Variants in TACC2 observed in about 807,000 individuals in gnomAD.
TACC2 encodes transforming acidic coiled-coil containing protein 2.
A neutral mutation model predicts 227.3 loss-of-function variants in TACC2; 137 were observed. The observed-to-expected ratio is 0.60, with a 90% CI of 0.52 to 0.69. The LOEUF (loss-of-function observed/expected upper bound fraction) is 0.69. Among genes scored for constraint, TACC2 ranks in the 30% least tolerant of loss-of-function variants. TACC2 has a pLI of 0.00. For missense variants in TACC2, 3,470 were observed against 3,694.4 expected (o/e 0.94, Z 1.57); for synonymous variants, 1,523 against 1,487.5 (o/e 1.02, Z -0.55).
At chr10:122,164,602 C>T (rs1284946002) in intron 7 of TACC2, among the ~76,000 whole-genome samples, 3 of 152,242 alleles carry the variant, frequency 2.0e-5, no homozygotes, top group Non-Finnish European at 1.5e-5. Context: ...CTCTCAACCA[C>T]AGAGCTAACG....
At chr10:122,196,950 A>AAC (rs1170129965) in intron 8 of TACC2, among the ~76,000 whole-genome samples, 1 of 149,900 alleles carries the variant, frequency 6.7e-6, no homozygotes, top group Non-Finnish European at 1.5e-5. Flanking sequence ...AAAAAAAAAA[A>AAC]ACAAAAAAAC....
chr10:122,041,035 A>G (rs10887056), intron 2 of TACC2, among the ~76,000 whole-genome samples: 48,938 of 152,090 alleles, frequency 0.32, 8,010 homozygotes, highest in East Asian at 0.42. Context: ...GACCTCAGCA[A>G]TGTGGACATC....
intron 8 of TACC2, among the ~76,000 whole-genome samples, chr10:122,199,945 G>A (rs2094722534): frequency 6.6e-6 from 1 of 152,154 alleles, no homozygotes; most frequent in African/African-American, 2.4e-5. Flanking sequence ...GCCCCCATGA[G>A]CTCATCACCT....
At chr10:122,105,004 A>G (rs2082589515) in intron 5 of TACC2, among the ~76,000 whole-genome samples, 1 of 152,348 alleles carries the variant, frequency 6.6e-6, no homozygotes, top group East Asian at 1.9e-4. Flanking sequence ...GCCAGGATGT[A>G]GCAGCACTTG....
At chr10:122,103,568 G>A (rs2082407578) in intron 5 of TACC2, among the ~76,000 whole-genome samples, 1 of 152,212 alleles carries the variant, frequency 6.6e-6, no homozygotes, top group Admixed American at 6.5e-5. Flanking sequence ...AAGTGGGGGA[G>A]GCACACTGCA....
chr10:122,243,703 T>C (rs944030633), intron 19 of TACC2, among the ~76,000 whole-genome samples: 4 of 152,140 alleles, frequency 2.6e-5, no homozygotes, highest in Admixed American at 2.6e-4. Context: ...GTTTGGCAAG[T>C]AGAACACAAC....
chr10:122,215,335 T>C, intron 9 of TACC2, 56 bp from the exon 10 acceptor site: 1 of 1,507,792 alleles, frequency 6.6e-7, no homozygotes, highest in Non-Finnish European at 9.2e-7. Flanking sequence ...TCTGTACTGC[T>C]CTGGAGTGTT....
chr10:122,191,546 T>G lies in TACC2; in HGVS notation c.5835-3494T>G, dbSNP rs192157330. Among the ~76,000 whole-genome samples the G allele has an allele frequency of 1.4e-3, 211 of 152,050 alleles. 1 individual carries two copies. The highest frequency in any genetic ancestry group is 4.9e-3 in the African/African-American group (203 of 41,472). ...AAAAAATCACAACAAAATCTCATAG[T>G]GTTTTAAGAAAATTTACGAATTTAT... On this transcript the variant is annotated intron_variant, in intron 7 of 22. Coordinates refer to ENST00000369005, the MANE Select transcript of TACC2 (RefSeq NM_206862.4).
chr10:121,999,523 C>G (rs1954007842), intron 1 of TACC2, among the ~76,000 whole-genome samples: 1 of 152,238 alleles, frequency 6.6e-6, no homozygotes, highest in South Asian at 2.1e-4. Flanking sequence ...TGTTCCAAGT[C>G]TTTGAAAAGC....
intron 7 of TACC2, among the ~76,000 whole-genome samples, chr10:122,152,643 C>T (rs374201555): frequency 9.9e-4 from 151 of 152,314 alleles, no homozygotes; most frequent in African/African-American, 3.4e-3. Flanking sequence ...GGCAGCTTGT[C>T]CCGAGGTTGG....
At chr10:122,211,827 G>A (rs2095300221) in intron 9 of TACC2, 119 bp downstream of exon 9, 3 of 801,526 alleles carry the variant, frequency 3.7e-6, no homozygotes, top group Non-Finnish European at 5.7e-6. Flanking sequence ...GTGCTGTGAT[G>A]ATGCCACGCT....
intron 2 of TACC2, among the ~76,000 whole-genome samples, chr10:122,049,724 G>A (rs992015348): frequency 2.0e-5 from 3 of 151,666 alleles, no homozygotes; most frequent in Non-Finnish European, 4.4e-5. Flanking sequence ...TTTAAATGAG[G>A]TTCTGTTTTT....
At chr10:122,204,840 A>C (rs1328851746) in intron 8 of TACC2, among the ~76,000 whole-genome samples, 1 of 151,894 alleles carries the variant, frequency 6.6e-6, no homozygotes, top group Non-Finnish European at 1.5e-5. Context: ...AAAAAAAAAA[A>C]ATGACGTGTG....
At chr10:122,202,779 C>T (rs3981022) in intron 8 of TACC2, among the ~76,000 whole-genome samples, 33 of 150,374 alleles carry the variant, frequency 2.2e-4, no homozygotes, top group Non-Finnish European at 8.9e-5. Flanking sequence ...CAAAGGTCTC[C>T]GGTTTTCCTA....
intron 1 of TACC2, among the ~76,000 whole-genome samples, chr10:122,002,783 T>G (rs112729902): frequency 1.3e-5 from 2 of 152,238 alleles, no homozygotes; most frequent in African/African-American, 4.8e-5. Context: ...CAGCCTCTTA[T>G]AATGTTTAAA....
chr10:122,236,705 A>G (rs1224743707), intron 16 of TACC2, among the ~76,000 whole-genome samples: 2 of 152,234 alleles, frequency 1.3e-5, no homozygotes, highest in Admixed American at 6.5e-5. Context: ...TTCAGGGTCT[A>G]ATCAGCAGAT....
intron 5 of TACC2, among the ~76,000 whole-genome samples, chr10:122,098,705 A>G (rs899099814): frequency 2.0e-5 from 3 of 152,310 alleles, no homozygotes; most frequent in South Asian, 2.1e-4. Context: ...TAATATTACC[A>G]TCATCACTTA....
intron 2 of TACC2, among the ~76,000 whole-genome samples, chr10:122,042,282 G>A (rs1019723360): frequency 7.4e-5 from 11 of 149,190 alleles, no homozygotes; most frequent in South Asian, 2.2e-4. Context: ...TCACTCTGTC[G>A]CCCAGGCTGG....
chr10:122,033,846 G>T (rs929033743), intron 2 of TACC2, among the ~76,000 whole-genome samples: 4 of 152,018 alleles, frequency 2.6e-5, no homozygotes, highest in African/African-American at 9.7e-5. Context: ...TCATCCAGGT[G>T]AAGTGGGCTT....
Sources: gnomAD v4.1 joint callset for allele counts (sites outside exome capture counted in the v4.1 genomes callset) on GRCh38, gnomAD v4.1.1 for gene constraint, MANE v1.5 for transcripts, NCBI Gene and HGNC (gene_info 2026-07-23, HGNC 2026-07-21) for gene names.